The following DPYSL3 variants were observed in gnomAD, a reference collection of about 807,000 sequenced individuals.
DPYSL3 encodes the protein dihydropyrimidinase-related protein 3.
Under a neutral mutation model 66.1 loss-of-function variants are expected in DPYSL3, and 16 were observed. The observed-to-expected ratio is 0.24, with a 90% confidence interval of 0.16 to 0.37. The LOEUF (loss-of-function observed/expected upper bound fraction) is 0.37. Among genes scored for constraint, DPYSL3 ranks in the 10% least tolerant of loss-of-function variants. The probability of loss-of-function intolerance (pLI) is 1.00; values close to 1 mark genes in which losing one functional copy is unlikely to be tolerated. For missense variants in DPYSL3, 738 were observed against 916.2 expected, an observed-to-expected ratio of 0.81 and a Z score of 2.51; for synonymous variants, 338 against 345.1, an observed-to-expected ratio of 0.98 and a Z score of 0.23.
At chr5:147,421,715 A>G (rs1054849030) in intron 2 of DPYSL3, among the ~76,000 whole-genome samples, 2 of 152,190 alleles carry the variant, frequency 1.3e-5, no homozygotes, top group African/African-American at 4.8e-5. Flanking sequence ...ACACATCTAC[A>G]ACTATTTGAT....
intron 1 of DPYSL3, among the ~76,000 whole-genome samples, chr5:147,461,909 C>A (rs1260809319): frequency 6.6e-6 from 1 of 152,040 alleles, no homozygotes; most frequent in East Asian, 1.9e-4. Flanking sequence ...GTAGGGAAGA[C>A]CAAGCAGAAA....
At chr5:147,397,102 ATATT>A (rs757350017) in intron 12 of DPYSL3, among the ~76,000 whole-genome samples, 119 of 148,484 alleles carry the variant, frequency 8.0e-4, no homozygotes, top group Admixed American at 1.3e-3. Context: ...TTGTAAATAT[ATATT>A]TAATTTCTCT....
intron 1 of DPYSL3, among the ~76,000 whole-genome samples, chr5:147,481,181 A>G (rs1410023978): frequency 6.6e-6 from 1 of 152,186 alleles, no homozygotes; most frequent in Non-Finnish European, 1.5e-5. Flanking sequence ...GTTCTGCCAC[A>G]TAATAGCTGT....
At chr5:147,498,683 T>C (rs1326476911) in intron 1 of DPYSL3, among the ~76,000 whole-genome samples, 1 of 152,236 alleles carries the variant, frequency 6.6e-6, no homozygotes, top group Non-Finnish European at 1.5e-5. Context: ...ATTTCTCTAA[T>C]GACCAGTGAT....
chr5:147,491,653 C>T (rs973106733), intron 1 of DPYSL3, among the ~76,000 whole-genome samples: 2 of 151,714 alleles, frequency 1.3e-5, no homozygotes, highest in Non-Finnish European at 2.9e-5. Context: ...ATGACGAATG[C>T]TTTTGGTAGG....
At chr5:147,434,157 A>G (rs1752370707) in intron 1 of DPYSL3, among the ~76,000 whole-genome samples, 1 of 152,238 alleles carries the variant, frequency 6.6e-6, no homozygotes, top group Non-Finnish European at 1.5e-5. Flanking sequence ...TCCAAATTAC[A>G]GTACAAATAC....
intron 1 of DPYSL3, among the ~76,000 whole-genome samples, chr5:147,432,369 G>A (rs1056790836): frequency 2.0e-5 from 3 of 152,172 alleles, no homozygotes; most frequent in African/African-American, 7.2e-5. Flanking sequence ...TGTCTGAACT[G>A]GAGAATCAAA....
chr5:147,477,068 A>G (rs112812273), intron 1 of DPYSL3, among the ~76,000 whole-genome samples: 2,390 of 152,296 alleles, frequency 0.016, 92 homozygotes, highest in African/African-American at 0.054. Flanking sequence ...TCATGAAATA[A>G]AACAATTACA....
chr5:147,478,721 C>G (rs1159452838), intron 1 of DPYSL3, among the ~76,000 whole-genome samples: 1 of 152,138 alleles, frequency 6.6e-6, no homozygotes, highest in African/African-American at 2.4e-5. Flanking sequence ...GCCAGGCTAT[C>G]TCAAATGTAC....
chr5:147,399,133 G>A lies in DPYSL3; in HGVS notation c.1572C>T (p.Val524=), dbSNP rs749330607. 4.3e-5 allele frequency: 69 copies of A among 1,614,098 alleles called. No homozygotes were observed. The highest frequency in any genetic ancestry group is 3.3e-4 in the Admixed American group (20 of 60,008). ...RISVGSDSDL[V]IWDPDAVKIV... ...TCTTCACAGCATCTGGATCCCAGAT[G>A]ACGAGGTCGCTGTCAGAACCCACAG... Residue 524 remains valine (V), a synonymous_variant, in exon 11 of 14, where the codon GTC becomes GTT. Coordinates refer to ENST00000343218, the MANE Select transcript of DPYSL3 (RefSeq NM_001197294.2).
intron 1 of DPYSL3, among the ~76,000 whole-genome samples, chr5:147,494,636 C>T (rs1022878558): frequency 1.6e-4 from 24 of 146,112 alleles, no homozygotes; most frequent in Non-Finnish European, 2.8e-4. Flanking sequence ...GAGGCCGAGG[C>T]GGGCAGATCA....
intron 3 of DPYSL3, 146 bp downstream of exon 3, chr5:147,418,301 C>G: frequency 1.3e-6 from 1 of 761,764 alleles, no homozygotes; most frequent in Non-Finnish European, 2.0e-6. Flanking sequence ...TCAGCTCAAT[C>G]TGCTTTTCTC....
In DPYSL3 at chr5:147,509,595, C is replaced by G. The variant is rs1581223806; in HGVS notation, c.264G>C (p.Arg88Ser). ...CCCTGCTCTCTTCCCGGCCTTGGCC[C>G]CTGCGCGGGGTGTCCCCCTCGATCC... ...RPGIEGDTPR[R>S]GQGREESREP... is the part of the protein sequence containing the mutation. Residue 88 changes from arginine (R) to serine (S), a missense_variant, in exon 1 of 14, where the codon AGG becomes AGC. Arg to Ser is a moderately radical substitution (Grantham distance 110). Coordinates refer to ENST00000343218, the MANE Select transcript of DPYSL3 (RefSeq NM_001197294.2). This position sits in a 1 kb window ranked among gnomAD's most constrained non-coding sequence, Gnocchi z 5.3. 1 of 1,535,514 alleles carries G rather than the reference C, an allele frequency of 6.5e-7. No individual in the cohort carries two copies. The highest frequency in any genetic ancestry group is 2.4e-5 in the East Asian group (1 of 40,866).
At chr5:147,405,778 A>G (rs1758311663) in intron 7 of DPYSL3, 48 bp from the exon 8 acceptor site, 1 of 1,578,488 alleles carries the variant, frequency 6.3e-7, no homozygotes, top group African/African-American at 1.4e-5. Context: ...AACCTCTCAA[A>G]CTGGTGGCTC....
chr5:147,394,752 A>G (rs1403410501), intron 13 of DPYSL3, among the ~76,000 whole-genome samples: 1 of 151,598 alleles, frequency 6.6e-6, no homozygotes, highest in African/African-American at 2.4e-5. Flanking sequence ...TGGCAAAGTT[A>G]CCTCCAAACT....
intron 1 of DPYSL3, among the ~76,000 whole-genome samples, chr5:147,455,344 T>C (rs1752828529): frequency 6.6e-6 from 1 of 152,226 alleles, no homozygotes; most frequent in African/African-American, 2.4e-5. Context: ...TTGGACTGAA[T>C]GCAGTCTTCG....
At chr5:147,413,486 A>G in intron 5 of DPYSL3, 110 bp downstream of exon 5, 1 of 816,968 alleles carries the variant, frequency 1.2e-6, no homozygotes, top group Non-Finnish European at 2.0e-6. Context: ...ATTCTGGCCC[A>G]GTGGTCTCCC....
chr5:147,397,591 G>C, intron 12 of DPYSL3, 75 bp downstream of exon 12: 1 of 1,491,948 alleles, frequency 6.7e-7, no homozygotes, highest in Non-Finnish European at 9.2e-7. Context: ...AGTGCCCTGT[G>C]TTCATGGTTA....
chr5:147,464,384 A>G (rs2126414498), intron 1 of DPYSL3, among the ~76,000 whole-genome samples: 1 of 152,294 alleles, frequency 6.6e-6, no homozygotes, highest in Non-Finnish European at 1.5e-5. Flanking sequence ...CCTTTTCACC[A>G]AGGAGAAATG....
Sources: gnomAD v4.1 joint callset for allele counts (sites outside exome capture counted in the v4.1 genomes callset) on GRCh38, gnomAD v4.1.1 for gene constraint, Gnocchi (gnomAD v3.1) non-coding constraint, MANE v1.5 for transcripts, NCBI Gene and HGNC (gene_info 2026-07-23, HGNC 2026-07-21) for gene names.